The following FAM135B variants were observed in gnomAD, a reference collection of about 807,000 sequenced individuals.
FAM135B encodes the protein protein FAM135B.
Under a neutral mutation model 127.7 loss-of-function variants are expected in FAM135B, and 43 were observed. That is an observed-to-expected ratio of 0.34 (90% CI 0.26 to 0.43). The LOEUF (loss-of-function observed/expected upper bound fraction) is 0.43. Among genes scored for constraint, FAM135B ranks in the 20% least tolerant of loss-of-function variants. The probability of loss-of-function intolerance (pLI) is 1.00; values close to 1 mark genes in which losing one functional copy is unlikely to be tolerated. For synonymous variants in FAM135B, 670 were observed against 665.1 expected, an observed-to-expected ratio of 1.01 and a Z score of -0.11; for missense variants, 1,558 against 1,725.6, an observed-to-expected ratio of 0.90 and a Z score of 1.72.
At chr8:138,200,576 A>G (rs904371251) in intron 7 of FAM135B, among the ~76,000 whole-genome samples, 1 of 152,240 alleles carries the variant, frequency 6.6e-6, no homozygotes, top group African/African-American at 2.4e-5. Context: ...ATACGGTGAA[A>G]CAAACAAAAC....
chr8:138,427,897 C>G (rs771220733), intron 1 of FAM135B, among the ~76,000 whole-genome samples: 2 of 152,168 alleles, frequency 1.3e-5, no homozygotes, highest in Non-Finnish European at 2.9e-5. Flanking sequence ...GATTTCTCCA[C>G]CTGGTCTCAA....
At chr8:138,420,849 A>C (rs1412389101) in intron 1 of FAM135B, among the ~76,000 whole-genome samples, 1 of 152,206 alleles carries the variant, frequency 6.6e-6, no homozygotes, top group African/African-American at 2.4e-5. Context: ...ACCTCAAAAT[A>C]ACAAGAGATG....
At chr8:138,268,225 C>T (rs1371462939) in intron 3 of FAM135B, among the ~76,000 whole-genome samples, 4 of 152,184 alleles carry the variant, frequency 2.6e-5, no homozygotes, top group Non-Finnish European at 5.9e-5. Context: ...CAGGCACGCT[C>T]TGGGCATACA....
At chr8:138,318,327 TGC>T (rs1192288201) in intron 2 of FAM135B, among the ~76,000 whole-genome samples, 1 of 152,196 alleles carries the variant, frequency 6.6e-6, no homozygotes, top group African/African-American at 2.4e-5. Flanking sequence ...ATTGTAAGGG[TGC>T]CTTCTCTGAA....
At chr8:138,361,050 C>T (rs1226719340) in intron 2 of FAM135B, among the ~76,000 whole-genome samples, 3 of 152,024 alleles carry the variant, frequency 2.0e-5, no homozygotes, top group Admixed American at 1.3e-4. Context: ...CTCAGTCTCC[C>T]GAGTAGCTGG....
At chr8:138,467,476 G>A (rs985975163) in intron 1 of FAM135B, among the ~76,000 whole-genome samples, 2 of 152,106 alleles carry the variant, frequency 1.3e-5, no homozygotes, top group Non-Finnish European at 2.9e-5. Flanking sequence ...GTGGCAACTG[G>A]TTACCATAAC....
chr8:138,315,421 A>G lies in FAM135B; in HGVS notation c.78-4501T>C, dbSNP rs189875038. Among the ~76,000 whole-genome samples, 10 of 152,320 alleles carry G rather than the reference A, an allele frequency of 6.6e-5. No homozygotes were observed. In the East Asian group the frequency reaches 1.7e-3, roughly 26 times the overall value. On this transcript the variant is annotated intron_variant, in intron 2 of 19. Coordinates refer to ENST00000395297, the MANE Select transcript of FAM135B (RefSeq NM_015912.4). ...TGAAAAATAACATGGAGGTTACTCA[A>G]AAAAGTAAAAATAAAATTGCCATAT...
intron 9 of FAM135B, among the ~76,000 whole-genome samples, chr8:138,190,309 G>C (rs1586728993): frequency 6.6e-6 from 1 of 152,288 alleles, no homozygotes; most frequent in East Asian, 1.9e-4. Context: ...ATGCAAACCT[G>C]AAGCACTAGT....
At chr8:138,265,425 G>A (rs543382530) in intron 4 of FAM135B, among the ~76,000 whole-genome samples, 1 of 152,150 alleles carries the variant, frequency 6.6e-6, no homozygotes, top group African/African-American at 2.4e-5. Flanking sequence ...CTGAACAGAT[G>A]TGCAACTGGG....
chr8:138,202,589 T>G (rs1453838672), intron 7 of FAM135B, among the ~76,000 whole-genome samples: 1 of 152,200 alleles, frequency 6.6e-6, no homozygotes, highest in African/African-American at 2.4e-5. Flanking sequence ...CAATGTCACC[T>G]TGGGGAGGTT....
chr8:138,151,363 T>A lies in FAM135B; in HGVS notation c.3112A>T (p.Thr1038Ser), dbSNP rs920445196. ...VEVVNLSVSC[T>S]ATCLPFSSVP... ...GATGAGAAAGGGAGACAGGTGGCAG[T>A]GCAAGACACAGATAAGTTCACAACC... The change falls in exon 13 of 20, where the codon ACT becomes TCT. Residue 1038 changes from threonine (T) to serine (S), a missense_variant. Transcript: ENST00000395297. 2 of 1,613,712 alleles carry A rather than the reference T, an allele frequency of 1.2e-6. No homozygotes were observed. Among genetic ancestry groups the A allele is most frequent in the Non-Finnish European group, 1.7e-6 (2 of 1,179,892 alleles).
intron 1 of FAM135B, among the ~76,000 whole-genome samples, chr8:138,482,112 T>C (rs1436066175): frequency 6.6e-6 from 1 of 152,078 alleles, no homozygotes; most frequent in Non-Finnish European, 1.5e-5. Flanking sequence ...CAAAAGAGAT[T>C]CCCAGACTAT....
chr8:138,339,093 C>T (rs1212471934), intron 2 of FAM135B, among the ~76,000 whole-genome samples: 2 of 140,508 alleles, frequency 1.4e-5, no homozygotes, highest in African/African-American at 5.4e-5. Flanking sequence ...GGGAACATCA[C>T]ACACCGGGGC....
At chr8:138,372,646 T>C (rs1831209251) in intron 1 of FAM135B, among the ~76,000 whole-genome samples, 1 of 152,128 alleles carries the variant, frequency 6.6e-6, no homozygotes, top group Non-Finnish European at 1.5e-5. Context: ...ACTATTAACA[T>C]ACATAAGGCA....
At chr8:138,239,404 G>A (rs551490611) in intron 7 of FAM135B, among the ~76,000 whole-genome samples, 2 of 152,298 alleles carry the variant, frequency 1.3e-5, no homozygotes, top group South Asian at 4.1e-4. Context: ...TGTTGATGGG[G>A]TTGTTTTTTT....
chr8:138,137,337 T>A, intron 18 of FAM135B, 77 bp from the exon 19 acceptor site: 2 of 813,208 alleles, frequency 2.5e-6, no homozygotes, highest in Non-Finnish European at 4.4e-6. Flanking sequence ...TTGCACAAAT[T>A]TCCAGACTTG....
chr8:138,310,098 T>C (rs1039724762), intron 3 of FAM135B, among the ~76,000 whole-genome samples: 1 of 152,134 alleles, frequency 6.6e-6, no homozygotes, highest in Admixed American at 6.5e-5. Context: ...CTCAAACTCC[T>C]GACCTCAGGT....
intron 3 of FAM135B, among the ~76,000 whole-genome samples, chr8:138,292,889 T>C (rs895804420): frequency 6.6e-5 from 10 of 151,768 alleles, no homozygotes; most frequent in African/African-American, 2.4e-4. Context: ...TTCACAGAAT[T>C]AGAAAAAAAA....
intron 2 of FAM135B, among the ~76,000 whole-genome samples, chr8:138,327,864 T>A (rs1296271003): frequency 6.6e-6 from 1 of 152,102 alleles, no homozygotes; most frequent in Non-Finnish European, 1.5e-5. Flanking sequence ...AGGAGTTGAT[T>A]TAAGGAAGAA....
Sources: allele counts gnomAD v4.1 joint callset (sites outside exome capture counted in the v4.1 genomes callset), GRCh38; gene constraint gnomAD v4.1.1; transcripts MANE v1.5; gene names NCBI Gene and HGNC (gene_info 2026-07-23, HGNC 2026-07-21).